MAST2: variants seen among roughly 807,000 people sequenced by gnomAD.
The protein encoded by MAST2 is microtubule associated serine/threonine kinase 2.
In MAST2, 70 loss-of-function variants were observed where a neutral mutation model predicts 147.4. The ratio of observed to expected loss-of-function variants is 0.47; its 90% CI spans 0.39 to 0.58. The LOEUF is 0.58. Among genes scored for constraint, MAST2 ranks in the 20% least tolerant of loss-of-function variants. The pLI, the probability that MAST2 is intolerant of heterozygous loss-of-function variation, is 0.00. For missense variants in MAST2, 2,080 were observed against 2,302.3 expected, an observed-to-expected ratio of 0.90 and a Z score of 1.98; for synonymous variants, 869 against 896.8, an observed-to-expected ratio of 0.97 and a Z score of 0.55.
intron 4 of MAST2, among the ~76,000 whole-genome samples, chr1:45,903,447 TCTA>T (rs1650147226): frequency 6.6e-6 from 1 of 152,208 alleles, no homozygotes; most frequent in South Asian, 2.1e-4. Flanking sequence ...AACTTAGCAG[TCTA>T]AACACTGCTT....
intron 11 of MAST2, among the ~76,000 whole-genome samples, chr1:46,021,712 T>C (rs1646189700): frequency 6.6e-6 from 1 of 152,234 alleles, no homozygotes; most frequent in African/African-American, 2.4e-5. Flanking sequence ...CCTCTAGTTC[T>C]TACTGCCAGG....
chr1:45,886,678 C>G (rs1179026157), intron 4 of MAST2, among the ~76,000 whole-genome samples: 1 of 152,076 alleles, frequency 6.6e-6, no homozygotes, highest in Non-Finnish European at 1.5e-5. Flanking sequence ...TCTAAAGTTA[C>G]TTGTATCTGT....
intron 4 of MAST2, among the ~76,000 whole-genome samples, chr1:45,882,693 T>C (rs1289935692): frequency 6.6e-6 from 1 of 152,232 alleles, no homozygotes; most frequent in African/African-American, 2.4e-5. Flanking sequence ...TGGGATTTAC[T>C]GAGTTTTCGT....
chr1:45,906,188 T>C (rs1307987206), intron 4 of MAST2, among the ~76,000 whole-genome samples: 1 of 152,340 alleles, frequency 6.6e-6, no homozygotes, highest in East Asian at 1.9e-4. Flanking sequence ...GCAGATATTT[T>C]GTCAGATATA....
At chr1:45,965,364 G>A (rs985653674) in intron 5 of MAST2, among the ~76,000 whole-genome samples, 1 of 152,190 alleles carries the variant, frequency 6.6e-6, no homozygotes, top group Admixed American at 6.6e-5. Context: ...AAGTCTCTTT[G>A]TAAGTCTCTA....
intron 4 of MAST2, among the ~76,000 whole-genome samples, chr1:45,928,660 C>T (rs1654794975): frequency 6.6e-6 from 1 of 151,320 alleles, no homozygotes; most frequent in Admixed American, 6.6e-5. Flanking sequence ...CAGCTCACTG[C>T]AACCTTGAAC....
At position 46,035,803 on chromosome 1, in the gene MAST2, A is replaced by C. The variant is rs754602652; in HGVS notation, c.5134A>C (p.Arg1712=). The C allele has an allele frequency of 6.2e-7, 1 of 1,614,122 alleles. No homozygotes were observed. The highest frequency in any genetic ancestry group is 1.1e-5 in the South Asian group (1 of 91,078). Residue 1712 remains arginine, a synonymous_variant, in exon 29 of 29, where the codon AGA becomes CGA. Coordinates refer to ENST00000361297, the MANE Select transcript of MAST2 (RefSeq NM_015112.3). This position sits in a 1 kb window ranked among gnomAD's most constrained non-coding sequence, Gnocchi z 5.5. ...QGKTQPPSAP[R]LAHPSYEDPS... Reference sequence around the variant, plus strand: ...GAAGACACAGCCACCTAGTGCCCCCAGACTGGCCCATCCATCTTATGAGGA... The same window carrying C: ...GAAGACACAGCCACCTAGTGCCCCCCGACTGGCCCATCCATCTTATGAGGA...
At chr1:45,922,091 C>T (rs1653593077) in intron 4 of MAST2, among the ~76,000 whole-genome samples, 1 of 152,184 alleles carries the variant, frequency 6.6e-6, no homozygotes. Context: ...CTCCTTTCTG[C>T]AGGCAGGTGG....
intron 5 of MAST2, among the ~76,000 whole-genome samples, chr1:45,993,089 C>T (rs1025664992): frequency 5.3e-5 from 8 of 151,888 alleles, no homozygotes; most frequent in Non-Finnish European, 1.0e-4. Flanking sequence ...AACTTTTGAT[C>T]CTCATGTGTT....
intron 16 of MAST2, among the ~76,000 whole-genome samples, chr1:46,026,360 A>G (rs143024866): frequency 6.0e-4 from 91 of 152,322 alleles, no homozygotes; most frequent in African/African-American, 2.1e-3. Context: ...ATAGTGCAAT[A>G]TGGCGACAGC....
intron 11 of MAST2, among the ~76,000 whole-genome samples, chr1:46,020,430 G>T (rs1305419212): frequency 6.6e-6 from 1 of 152,194 alleles, no homozygotes; most frequent in African/African-American, 2.4e-5. Context: ...AGGGTGTCGG[G>T]TTCTCGGCTC....
intron 10 of MAST2, among the ~76,000 whole-genome samples, chr1:46,014,412 G>A (rs1645847105): frequency 6.9e-6 from 1 of 145,266 alleles, no homozygotes; most frequent in African/African-American, 2.6e-5. Flanking sequence ...ACCTATGAGT[G>A]AGAATATGCG....
At chr1:45,955,519 A>G (rs965965550) in intron 4 of MAST2, among the ~76,000 whole-genome samples, 8 of 152,200 alleles carry the variant, frequency 5.3e-5, no homozygotes, top group Non-Finnish European at 1.2e-4. Flanking sequence ...GGAGAAAAAT[A>G]TATCAAGAAA....
intron 1 of MAST2, 67 bp downstream of exon 1, chr1:45,804,139 G>C: frequency 7.9e-7 from 1 of 1,270,712 alleles, no homozygotes. Context: ...ATCTTCGGCG[G>C]GAGGACCCGG....
chr1:45,818,059 T>C (rs939638292), intron 1 of MAST2, among the ~76,000 whole-genome samples: 2 of 152,066 alleles, frequency 1.3e-5, no homozygotes. Context: ...TGGTGAGAGG[T>C]TAGGTGAATA....
At chr1:45,937,372 C>T (rs564771423) in intron 4 of MAST2, among the ~76,000 whole-genome samples, 24 of 152,064 alleles carry the variant, frequency 1.6e-4, no homozygotes, top group Admixed American at 1.4e-3. Flanking sequence ...CCCAAGCGAT[C>T]CTCCCACCTC....
At chr1:45,837,747 A>T (rs1645144959) in intron 3 of MAST2, among the ~76,000 whole-genome samples, 1 of 152,302 alleles carries the variant, frequency 6.6e-6, no homozygotes, top group Non-Finnish European at 1.5e-5. Flanking sequence ...TTCCACCAGC[A>T]GTTGCTCCAC....
At chr1:45,874,915 G>T (rs1475439603) in intron 3 of MAST2, among the ~76,000 whole-genome samples, 1 of 152,180 alleles carries the variant, frequency 6.6e-6, no homozygotes, top group Admixed American at 6.5e-5. Flanking sequence ...TGAAGTCCAG[G>T]AATGTATAAA....
chr1:46,034,512 G>C, intron 28 of MAST2, 26 bp from the exon 29 acceptor site: 1 of 1,598,738 alleles, frequency 6.3e-7, no homozygotes, highest in Non-Finnish European at 8.5e-7. Context: ...GCTTTTGTCT[G>C]TCTGTCTGTC....
Sources: gnomAD v4.1 joint callset for allele counts (sites outside exome capture counted in the v4.1 genomes callset) on GRCh38, gnomAD v4.1.1 for gene constraint, Gnocchi (gnomAD v3.1) non-coding constraint, MANE v1.5 for transcripts, NCBI Gene and HGNC (gene_info 2026-07-23, HGNC 2026-07-21) for gene names.